ATG7: variants seen among roughly 807,000 people sequenced by gnomAD.
ATG7 encodes the protein autophagy related 7.
In ATG7, 70 loss-of-function variants were observed where a neutral mutation model predicts 82.4. The observed-to-expected ratio is 0.85, with a 90% CI of 0.70 to 1.04. ATG7 has a LOEUF of 1.04. Among genes scored for constraint, ATG7 ranks in the 50% least tolerant of loss-of-function variants. The pLI is 0.00. For missense variants in ATG7, 792 were observed against 864.3 expected (o/e 0.92, Z 1.05); for synonymous variants, 287 against 313.0 (o/e 0.92, Z 0.88).
At chr3:11,412,761 G>C (rs1168390990) in intron 19 of ATG7, among the ~76,000 whole-genome samples, 1 of 152,132 alleles carries the variant, frequency 6.6e-6, no homozygotes, top group African/African-American at 2.4e-5. Context: ...TGAATCTGTA[G>C]ATTTCCTTGG....
intron 4 of ATG7, 43 bp downstream of exon 4, chr3:11,298,898 C>T (rs1946362908): frequency 6.2e-7 from 1 of 1,602,886 alleles, no homozygotes; most frequent in Non-Finnish European, 8.5e-7. Context: ...TTCTGTTATC[C>T]TCACGGTCCT....
the ATG7 span, among the ~76,000 whole-genome samples, chr3:11,566,596 C>G: frequency 6.6e-6 from 1 of 152,198 alleles, no homozygotes; most frequent in East Asian, 1.9e-4. Flanking sequence ...TTCCGTAGTT[C>G]CAACCATCTA....
intron 3 of ATG7, among the ~76,000 whole-genome samples, chr3:11,283,636 T>C (rs931170063): frequency 6.6e-6 from 1 of 152,058 alleles, no homozygotes; most frequent in African/African-American, 2.4e-5. Flanking sequence ...CCCTGAACCA[T>C]TAAAAACTCT....
intron 20 of ATG7, among the ~76,000 whole-genome samples, chr3:11,460,556 A>G (rs534586200): frequency 1.1e-4 from 17 of 152,262 alleles, no homozygotes; most frequent in African/African-American, 4.1e-4. Context: ...ATGGCTTCTG[A>G]GGTTATTTTC....
intron 14 of ATG7, among the ~76,000 whole-genome samples, chr3:11,356,858 G>A (rs759757913): frequency 2.0e-5 from 3 of 152,064 alleles, no homozygotes; most frequent in Non-Finnish European, 4.4e-5. Context: ...AAATAGATGT[G>A]TGCTGTGCTA....
At chr3:11,309,195 C>T (rs1015360054) in intron 7 of ATG7, 134 bp downstream of exon 7, 32 of 895,506 alleles carry the variant, frequency 3.6e-5, no homozygotes, top group Non-Finnish European at 4.7e-5. Context: ...GTTAACGAAA[C>T]GCTCATTTGA....
At chr3:11,338,557 G>C (rs1227894100) in intron 11 of ATG7, among the ~76,000 whole-genome samples, 2 of 152,256 alleles carry the variant, frequency 1.3e-5, no homozygotes, top group East Asian at 3.9e-4. Flanking sequence ...GCTCATGCCT[G>C]TAATCCTAGC....
chr3:11,423,941 C>T (rs1576314936), intron 19 of ATG7, among the ~76,000 whole-genome samples: 1 of 152,124 alleles, frequency 6.6e-6, no homozygotes, highest in African/African-American at 2.4e-5. Flanking sequence ...CAGATTGTTC[C>T]ACACTGTTTA....
At chr3:11,275,070 T>C (rs1941417010) in intron 1 of ATG7, among the ~76,000 whole-genome samples, 1 of 151,758 alleles carries the variant, frequency 6.6e-6, no homozygotes, top group African/African-American at 2.4e-5. Flanking sequence ...ACAGTGGAGA[T>C]GGAGAGGAGT....
chr3:11,420,390 T>C, intron 19 of ATG7, among the ~76,000 whole-genome samples: 1 of 152,206 alleles, frequency 6.6e-6, no homozygotes, highest in Non-Finnish European at 1.5e-5. Context: ...AGTTTTTCCG[T>C]GGTCAGATAT....
chr3:11,278,623 A>C (rs1488061124), intron 1 of ATG7, among the ~76,000 whole-genome samples: 2 of 152,208 alleles, frequency 1.3e-5, no homozygotes, highest in African/African-American at 2.4e-5. Context: ...AGAAGCTGGC[A>C]CGGTTCCTTT....
At chr3:11,290,185 G>C (rs1179581552) in intron 3 of ATG7, among the ~76,000 whole-genome samples, 1 of 152,154 alleles carries the variant, frequency 6.6e-6, no homozygotes, top group Admixed American at 6.5e-5. Context: ...GAACAAGTAG[G>C]TCATAAGCAA....
At chr3:11,348,174 T>C (rs1954860633) in intron 14 of ATG7, 139 bp downstream of exon 14, 2 of 1,195,418 alleles carry the variant, frequency 1.7e-6, no homozygotes, top group Non-Finnish European at 2.3e-6. Context: ...GCTGAACCTC[T>C]GTTTCCTCAT....
intron 20 of ATG7, chr3:11,446,599 A>G: frequency 2.6e-6 from 1 of 386,416 alleles, no homozygotes; most frequent in Non-Finnish European, 5.0e-6. Context: ...CCTTTAAAAG[A>G]ATGAGGCACA....
At chr3:11,381,264 G>A (rs899421558) in intron 19 of ATG7, among the ~76,000 whole-genome samples, 6 of 152,116 alleles carry the variant, frequency 3.9e-5, no homozygotes, top group South Asian at 2.1e-4. Context: ...AGAAATGCAA[G>A]TTTTAGGATT....
the ATG7 span, chr3:11,568,783 G>C: frequency 6.8e-7 from 1 of 1,471,916 alleles, no homozygotes; most frequent in Non-Finnish European, 9.0e-7. This position sits in a 1 kb window ranked among gnomAD's most constrained non-coding sequence, Gnocchi z 5.9. Flanking sequence ...CTCCTGGTCA[G>C]GACTGTGCCC....
the ATG7 span, among the ~76,000 whole-genome samples, chr3:11,565,291 G>A: frequency 6.6e-6 from 1 of 152,088 alleles, no homozygotes; most frequent in Non-Finnish European, 1.5e-5. The surrounding 1 kb of genome is among the most constrained non-coding windows in gnomAD (Gnocchi z 4.1). Flanking sequence ...CTGACTCTGT[G>A]TTCACTTCTA....
intron 3 of ATG7, among the ~76,000 whole-genome samples, chr3:11,289,911 A>G (rs1559332894): frequency 6.6e-6 from 1 of 152,084 alleles, no homozygotes. Flanking sequence ...TACAAAGTAC[A>G]GGGAAGGAAT....
At chr3:11,411,506 G>A (rs575650277) in intron 19 of ATG7, among the ~76,000 whole-genome samples, 1 of 150,762 alleles carries the variant, frequency 6.6e-6, no homozygotes, top group Non-Finnish European at 1.5e-5. Context: ...CTGAGTCTCA[G>A]CTACTCAGGA....
Sources: allele counts gnomAD v4.1 joint callset (sites outside exome capture counted in the v4.1 genomes callset), GRCh38; gene constraint gnomAD v4.1.1; non-coding constraint Gnocchi (gnomAD v3.1); transcripts MANE v1.5; gene names NCBI Gene and HGNC (gene_info 2026-07-23, HGNC 2026-07-21).